ALK: variants seen among roughly 807,000 people sequenced by gnomAD.
ALK encodes ALK receptor tyrosine kinase.
ALK carries 74 observed loss-of-function variants against 163.1 expected under a neutral mutation model. That is an observed-to-expected ratio of 0.45 (90% CI 0.38 to 0.55). The LOEUF (loss-of-function observed/expected upper bound fraction) is 0.55, where lower values mean the gene tolerates loss of function less well. ALK is among the 20% of genes least tolerant of loss of function. The pLI is 0.00. For synonymous variants in ALK, 960 were observed against 843.2 expected, an observed-to-expected ratio of 1.14 and a Z score of -2.40; for missense variants, 2,063 against 2,105.3, an observed-to-expected ratio of 0.98 and a Z score of 0.39.
intron 2 of ALK, among the ~76,000 whole-genome samples, chr2:29,711,990 A>G (rs765950060): frequency 6.6e-6 from 1 of 151,978 alleles, no homozygotes; most frequent in Non-Finnish European, 1.5e-5. Flanking sequence ...TCCTTACTCA[A>G]CTTGCCACCA....
intron 3 of ALK, among the ~76,000 whole-genome samples, chr2:29,683,393 C>A (rs1338627556): frequency 1.3e-5 from 2 of 151,690 alleles, no homozygotes; most frequent in African/African-American, 4.8e-5. Flanking sequence ...GAAAGAAAAA[C>A]AAAAAACAAA....
intron 3 of ALK, among the ~76,000 whole-genome samples, chr2:29,573,666 C>T (rs1674442395): frequency 6.6e-6 from 1 of 152,130 alleles, no homozygotes; most frequent in Non-Finnish European, 1.5e-5. Flanking sequence ...TTAACAGCTG[C>T]AACAGAGAGC....
chr2:29,810,422 C>CA (rs1252589204), intron 1 of ALK, among the ~76,000 whole-genome samples: 2,744 of 52,732 alleles, frequency 0.052, 57 homozygotes, highest in African/African-American at 0.13. Context: ...AACTCCATCT[C>CA]AAAAAAAAAA....
At chr2:29,790,123 T>C (rs1393043027) in intron 1 of ALK, among the ~76,000 whole-genome samples, 1 of 152,174 alleles carries the variant, frequency 6.6e-6, no homozygotes, top group Non-Finnish European at 1.5e-5. Context: ...TGTTTGGGGC[T>C]CTAGGGAAGA....
intron 1 of ALK, among the ~76,000 whole-genome samples, chr2:29,917,056 G>C (rs141537185): frequency 6.6e-6 from 1 of 152,180 alleles, no homozygotes; most frequent in Non-Finnish European, 1.5e-5. Flanking sequence ...ACATCTTTCT[G>C]TCCTCTCAGA....
intron 1 of ALK, among the ~76,000 whole-genome samples, chr2:29,831,010 A>G (rs1363795347): frequency 2.3e-5 from 1 of 43,890 alleles, no homozygotes; most frequent in African/African-American, 6.6e-5. Context: ...GAAGAAGAAG[A>G]AGGGGAAGAG....
At chr2:29,527,349 T>A (rs1489402442) in intron 4 of ALK, among the ~76,000 whole-genome samples, 1 of 152,130 alleles carries the variant, frequency 6.6e-6, no homozygotes, top group Non-Finnish European at 1.5e-5. Flanking sequence ...CCAGCATGAA[T>A]GCAAATTTTT....
At chr2:29,500,050 GCTC>G (rs1672127912) in intron 4 of ALK, among the ~76,000 whole-genome samples, 1 of 152,102 alleles carries the variant, frequency 6.6e-6, no homozygotes, top group South Asian at 2.1e-4. Flanking sequence ...CCTCAACACG[GCTC>G]CTCAACATGG....
chr2:29,225,675 C>G (rs1275210209), intron 18 of ALK, 110 bp from the exon 19 acceptor site: 1 of 888,822 alleles, frequency 1.1e-6, no homozygotes, highest in East Asian at 2.6e-5. Context: ...TTGCTCCTTC[C>G]CATCGCTGGA....
chr2:29,674,097 A>G (rs1677796720), intron 3 of ALK, among the ~76,000 whole-genome samples: 1 of 148,212 alleles, frequency 6.7e-6, no homozygotes, highest in Admixed American at 6.7e-5. Context: ...GGTTTTCTAG[A>G]TATACAATCA....
chr2:29,413,686 C>T (rs148076617), intron 4 of ALK, among the ~76,000 whole-genome samples: 1 of 152,120 alleles, frequency 6.6e-6, no homozygotes, highest in Non-Finnish European at 1.5e-5. Context: ...CACCCTCCAC[C>T]ATGCCCGGCT....
intron 1 of ALK, among the ~76,000 whole-genome samples, chr2:29,908,462 G>T (rs1667610166): frequency 6.6e-6 from 1 of 152,184 alleles, no homozygotes; most frequent in South Asian, 2.1e-4. Context: ...GTAAAAAGCT[G>T]CACTCTCTCC....
At chr2:29,634,398 G>A (rs1299061512) in intron 3 of ALK, among the ~76,000 whole-genome samples, 1 of 151,924 alleles carries the variant, frequency 6.6e-6, no homozygotes, top group Non-Finnish European at 1.5e-5. Flanking sequence ...GCCCAACAGA[G>A]TTGAGCAATA....
intron 2 of ALK, among the ~76,000 whole-genome samples, chr2:29,705,324 G>A (rs1448295908): frequency 8.1e-6 from 1 of 123,994 alleles, no homozygotes; most frequent in Non-Finnish European, 1.6e-5. Context: ...AATGAATGTC[G>A]CCATGCTTTC....
chr2:29,211,792 G>T (rs1361633918), intron 24 of ALK, among the ~76,000 whole-genome samples: 2 of 123,404 alleles, frequency 1.6e-5, no homozygotes, highest in Non-Finnish European at 3.8e-5. Flanking sequence ...TCTGCCAGAA[G>T]TTTTCTTTTG....
At chr2:29,839,945 C>T (rs1665657105) in intron 1 of ALK, among the ~76,000 whole-genome samples, 1 of 152,150 alleles carries the variant, frequency 6.6e-6, no homozygotes, top group Admixed American at 6.5e-5. Context: ...AGTCATGCTC[C>T]AAGGTAGGCA....
chr2:29,546,968 C>G (rs1673571886), intron 3 of ALK, among the ~76,000 whole-genome samples: 1 of 152,168 alleles, frequency 6.6e-6, no homozygotes, highest in Non-Finnish European at 1.5e-5. Context: ...CAAAGGGAAG[C>G]TGAGAATGCA....
intron 3 of ALK, among the ~76,000 whole-genome samples, chr2:29,567,013 T>C (rs1370328258): frequency 3.9e-5 from 6 of 152,264 alleles, no homozygotes; most frequent in African/African-American, 1.4e-4. Flanking sequence ...TTCATTTTCT[T>C]AATTTTCTAC....
chr2:29,736,666 T>C lies in ALK; in HGVS notation c.668-18969A>G, dbSNP rs546503602. On this transcript the variant is annotated intron_variant, in intron 1 of 28. Coordinates refer to ENST00000389048, the MANE Select transcript of ALK (RefSeq NM_004304.5). ...TACCCCAGTATCTAGCAGAGTGCCT[T>C]ATGTAGTGTCGACTTTTGGCAAATA... 3.9e-4 allele frequency among the ~76,000 whole-genome samples: 59 copies of C among 152,156 alleles called. 1 individual carries two copies. The highest frequency in any genetic ancestry group is 1.4e-3 in the African/African-American group (56 of 41,440).
Sources: gnomAD v4.1 joint callset for allele counts (sites outside exome capture counted in the v4.1 genomes callset) on GRCh38, gnomAD v4.1.1 for gene constraint, MANE v1.5 for transcripts, NCBI Gene and HGNC (gene_info 2026-07-23, HGNC 2026-07-21) for gene names.